Variants in MAPK10 observed in about 807,000 individuals in gnomAD.
The protein encoded by MAPK10 is mitogen-activated protein kinase 10.
Under a neutral mutation model 59.3 loss-of-function variants are expected in MAPK10, and 25 were observed. The ratio of observed to expected loss-of-function variants is 0.42; its 90% CI spans 0.31 to 0.59. The LOEUF is 0.59. MAPK10 is among the 20% of genes least tolerant of loss of function. MAPK10 has a pLI of 0.15. For missense variants in MAPK10, 351 were observed against 568.9 expected (o/e 0.62, Z 3.90); for synonymous variants, 190 against 200.5 (o/e 0.95, Z 0.44).
At chr4:86,225,756 T>G (rs2090499281) in intron 2 of MAPK10, among the ~76,000 whole-genome samples, 1 of 152,212 alleles carries the variant, frequency 6.6e-6, no homozygotes, top group Non-Finnish European at 1.5e-5. Flanking sequence ...ATTAATTACC[T>G]AGATGCATTT....
chr4:86,587,796 A>T (rs890335838), intron 1 of MAPK10, among the ~76,000 whole-genome samples: 1 of 152,196 alleles, frequency 6.6e-6, no homozygotes, highest in Non-Finnish European at 1.5e-5. Flanking sequence ...AATCACTGGC[A>T]TTTAAAACAC....
intron 9 of MAPK10, among the ~76,000 whole-genome samples, chr4:86,074,740 G>C (rs1398925788): frequency 2.1e-5 from 3 of 141,078 alleles, no homozygotes; most frequent in African/African-American, 8.3e-5. Context: ...CTTCTGGCTT[G>C]TAGGGTTTCT....
At chr4:86,562,951 T>C (rs1760788684) in intron 1 of MAPK10, among the ~76,000 whole-genome samples, 1 of 152,222 alleles carries the variant, frequency 6.6e-6, no homozygotes. Flanking sequence ...CTCTCTGTCA[T>C]CTAAATGCTT....
chr4:86,356,082 C>T (rs1734329346), intron 1 of MAPK10, among the ~76,000 whole-genome samples: 1 of 152,070 alleles, frequency 6.6e-6, no homozygotes, highest in Non-Finnish European at 1.5e-5. Context: ...CGTGTACAAA[C>T]ACAAGGTAGT....
upstream of MAPK10, among the ~76,000 whole-genome samples, chr4:86,362,399 C>T (rs1425129673): frequency 6.7e-6 from 1 of 149,760 alleles, no homozygotes; most frequent in Non-Finnish European, 1.5e-5. Flanking sequence ...TCTTAGGATA[C>T]AGAAAGCACT....
intron 1 of MAPK10, among the ~76,000 whole-genome samples, chr4:86,574,160 G>GT (rs1321980914): frequency 2.6e-5 from 4 of 151,448 alleles, no homozygotes; most frequent in African/African-American, 9.7e-5. Context: ...GCGGTGTTTG[G>GT]TTTTTTGTCC....
intron 1 of MAPK10, among the ~76,000 whole-genome samples, chr4:86,448,773 C>A (rs1036857350): frequency 2.0e-5 from 3 of 152,086 alleles, no homozygotes; most frequent in East Asian, 3.9e-4. Context: ...CACATTATTT[C>A]TATTATTATT....
intron 2 of MAPK10, among the ~76,000 whole-genome samples, chr4:86,196,891 AG>A (rs2081427348): frequency 6.6e-6 from 1 of 152,058 alleles, no homozygotes; most frequent in African/African-American, 2.4e-5. Context: ...ATTATTTCTG[AG>A]GCCTCTGATC....
At position 86,292,482 on chromosome 4, in the gene MAPK10, C is replaced by T. The variant is rs572437380; in HGVS notation, c.-7+62048G>A. Reference sequence around the variant, plus strand: ...CTTTAATCCCAACATTTTGGGAGACCGAGGTGGGAGGACAGCTTGACGTCA... The same window carrying T: ...CTTTAATCCCAACATTTTGGGAGACTGAGGTGGGAGGACAGCTTGACGTCA... On this transcript the variant is annotated intron_variant, in intron 2 of 13. Coordinates refer to ENST00000641462, the MANE Select transcript of MAPK10 (RefSeq NM_138982.4). 1.3e-4 allele frequency among the ~76,000 whole-genome samples: 20 copies of T among 152,098 alleles called. No individual in the cohort carries two copies. In the East Asian group the frequency reaches 3.3e-3, roughly 25 times the overall value.
At chr4:86,032,698 G>C (rs1032090282) in intron 11 of MAPK10, 5 of 152,152 alleles carry the variant, frequency 3.3e-5, no homozygotes, top group Non-Finnish European at 7.3e-5. Context: ...GTGGTAGCTT[G>C]AATCATGACA....
Position 86,136,013 on chromosome 4 carries a change from T to C in MAPK10, c.236+23285A>G, listed in dbSNP as rs373218632. Reference sequence around the variant, plus strand: ...AAGAATAAAAAGAAATGAACAAAGCTTCCAAGAAATATGGGACTATGTGAA... The same window carrying C: ...AAGAATAAAAAGAAATGAACAAAGCCTCCAAGAAATATGGGACTATGTGAA... On this transcript the variant is annotated intron_variant, in intron 4 of 13. Coordinates refer to ENST00000641462, the MANE Select transcript of MAPK10 (RefSeq NM_138982.4). Among the ~76,000 whole-genome samples, 232 of 152,128 alleles carry C rather than the reference T, an allele frequency of 1.5e-3. 1 individual carries two copies. The East Asian group carries it at 0.029, about 19-fold the overall frequency.
chr4:86,207,522 C>T (rs1299928703), intron 2 of MAPK10, among the ~76,000 whole-genome samples: 8 of 151,998 alleles, frequency 5.3e-5, no homozygotes, highest in Admixed American at 1.3e-4. Context: ...ATTGACTTGG[C>T]GATACGGGCT....
chr4:86,102,189 G>T, intron 6 of MAPK10, 157 bp from the exon 7 acceptor site: 1 of 639,382 alleles, frequency 1.6e-6, no homozygotes, highest in Non-Finnish European at 2.7e-6. Flanking sequence ...TTGCATGTGT[G>T]TTAGCTATAC....
chr4:86,263,246 T>G (rs1033583182), intron 2 of MAPK10, among the ~76,000 whole-genome samples: 1 of 152,208 alleles, frequency 6.6e-6, no homozygotes, highest in African/African-American at 2.4e-5. Context: ...TTATTAGATA[T>G]TCCTGAAATT....
intron 1 of MAPK10, among the ~76,000 whole-genome samples, chr4:86,389,357 A>G (rs980498530): frequency 2.0e-5 from 3 of 152,212 alleles, no homozygotes; most frequent in African/African-American, 7.2e-5. Flanking sequence ...GTATTTTCTT[A>G]TAGCAGTGCA....
intron 1 of MAPK10, among the ~76,000 whole-genome samples, chr4:86,425,484 A>G (rs1044433875): frequency 3.5e-4 from 53 of 151,984 alleles, no homozygotes; most frequent in Non-Finnish European, 1.2e-4. Context: ...CTACAAACAC[A>G]CCTGTTTTGT....
chr4:86,141,743 C>T (rs1337238661), intron 4 of MAPK10, among the ~76,000 whole-genome samples: 1 of 152,116 alleles, frequency 6.6e-6, no homozygotes. Context: ...TCTTTATGTG[C>T]TAAAGGCTAG....
chr4:86,306,796 AG>A (rs1440098208), intron 2 of MAPK10, among the ~76,000 whole-genome samples: 1 of 152,222 alleles, frequency 6.6e-6, no homozygotes, highest in East Asian at 1.9e-4. Flanking sequence ...TTTCTGACAT[AG>A]CCTTTGCCCA....
intron 2 of MAPK10, among the ~76,000 whole-genome samples, chr4:86,290,617 G>C (rs911125103): frequency 6.6e-6 from 1 of 152,108 alleles, no homozygotes; most frequent in African/African-American, 2.4e-5. Flanking sequence ...CATAAACACA[G>C]GGTTTTGGGT....
Sources: gnomAD v4.1 joint callset for allele counts (sites outside exome capture counted in the v4.1 genomes callset) on GRCh38, gnomAD v4.1.1 for gene constraint, MANE v1.5 for transcripts, NCBI Gene and HGNC (gene_info 2026-07-23, HGNC 2026-07-21) for gene names.